The following SND1 variants were observed in gnomAD, a reference collection of about 807,000 sequenced individuals.
SND1 encodes staphylococcal nuclease domain-containing protein 1.
A neutral mutation model predicts 121.7 loss-of-function variants in SND1; 38 were observed. That is an observed-to-expected ratio of 0.31 (90% CI 0.24 to 0.41). The LOEUF is 0.41. SND1 is among the 10% of genes least tolerant of loss of function. The pLI is 1.00. For missense variants in SND1, 868 were observed against 1,184.6 expected (o/e 0.73, Z 3.92); for synonymous variants, 401 against 447.4 (o/e 0.90, Z 1.31).
chr7:128,056,147 G>C (rs1236282592), intron 16 of SND1, among the ~76,000 whole-genome samples: 3 of 152,250 alleles, frequency 2.0e-5, no homozygotes, highest in Non-Finnish European at 4.4e-5. Context: ...GCACACAGCA[G>C]ATACTCAATA....
At chr7:127,891,276 C>CCAGG (rs752056328) in intron 13 of SND1, among the ~76,000 whole-genome samples, 4 of 152,054 alleles carry the variant, frequency 2.6e-5, no homozygotes, top group Non-Finnish European at 5.9e-5. Flanking sequence ...TGCTCTGTGT[C>CCAGG]CAGGCGGGAA....
chr7:127,914,964 G>A (rs1003277550), intron 14 of SND1, among the ~76,000 whole-genome samples: 1 of 152,136 alleles, frequency 6.6e-6, no homozygotes, highest in African/African-American at 2.4e-5. Context: ...AAATGTAGCT[G>A]TTTTAAACAG....
At chr7:127,980,753 G>C (rs974351875) in intron 15 of SND1, among the ~76,000 whole-genome samples, 2 of 152,202 alleles carry the variant, frequency 1.3e-5, no homozygotes, top group African/African-American at 4.8e-5. Flanking sequence ...ATGCAAGTAA[G>C]TAGCTTTTAC....
chr7:127,763,017 G>A (rs1454937137), intron 10 of SND1, among the ~76,000 whole-genome samples: 2 of 152,126 alleles, frequency 1.3e-5, no homozygotes, highest in East Asian at 3.8e-4. Context: ...GCCTAAAGAT[G>A]TTTACTGTAA....
At chr7:127,709,162 C>T (rs145070264) in intron 9 of SND1, among the ~76,000 whole-genome samples, 113 of 152,300 alleles carry the variant, frequency 7.4e-4, no homozygotes, top group Non-Finnish European at 1.3e-4. Flanking sequence ...TTGTTGCAGA[C>T]CACAATGTCC....
chr7:127,769,635 A>T (rs1185327438), intron 10 of SND1, among the ~76,000 whole-genome samples: 1 of 151,950 alleles, frequency 6.6e-6, no homozygotes, highest in East Asian at 1.9e-4. Context: ...GCTTCTTCGA[A>T]ATTTCTTTTC....
At chr7:127,811,347 A>G (rs934890168) in intron 11 of SND1, among the ~76,000 whole-genome samples, 1 of 152,266 alleles carries the variant, frequency 6.6e-6, no homozygotes, top group Non-Finnish European at 1.5e-5. Context: ...TAGGGTGTGG[A>G]GATGGAAATG....
At chr7:127,778,753 C>A (rs1797667013) in intron 10 of SND1, among the ~76,000 whole-genome samples, 1 of 152,112 alleles carries the variant, frequency 6.6e-6, no homozygotes, top group South Asian at 2.1e-4. Flanking sequence ...TTGAATGGTA[C>A]ATAGTTATTT....
At chr7:128,026,806 G>A (rs1287921191) in intron 16 of SND1, among the ~76,000 whole-genome samples, 1 of 152,168 alleles carries the variant, frequency 6.6e-6, no homozygotes, top group Non-Finnish European at 1.5e-5. Flanking sequence ...CAGGGCATAG[G>A]GAATTTGATT....
chr7:127,704,444 T>C (rs1796155313), intron 7 of SND1, among the ~76,000 whole-genome samples: 2 of 152,192 alleles, frequency 1.3e-5, no homozygotes, highest in South Asian at 4.1e-4. Flanking sequence ...TCTTCAGCTC[T>C]TATGAAAGGG....
At chr7:127,854,466 C>T (rs1420123436) in intron 12 of SND1, among the ~76,000 whole-genome samples, 1 of 151,958 alleles carries the variant, frequency 6.6e-6, no homozygotes, top group Non-Finnish European at 1.5e-5. Flanking sequence ...TCTCTTATTT[C>T]ATGGGGACCT....
intron 9 of SND1, 110 bp from the exon 10 acceptor site, chr7:127,721,173 TCCCA>T: frequency 1.6e-6 from 1 of 616,616 alleles, no homozygotes. Context: ...ATACTGTTTT[TCCCA>T]CAAATGGCTA....
At chr7:127,756,247 C>A (rs187728817) in intron 10 of SND1, among the ~76,000 whole-genome samples, 1 of 151,964 alleles carries the variant, frequency 6.6e-6, no homozygotes, top group Admixed American at 6.6e-5. Flanking sequence ...CAGTTTGCGG[C>A]CTTTGATCTG....
chr7:127,971,894 T>C (rs1801998270), intron 15 of SND1, among the ~76,000 whole-genome samples: 1 of 151,226 alleles, frequency 6.6e-6, no homozygotes, highest in Admixed American at 6.6e-5. Flanking sequence ...TGCCTCAGCC[T>C]CCCAAGTAAC....
At chr7:127,751,138 A>G (rs973716922) in intron 10 of SND1, among the ~76,000 whole-genome samples, 2 of 151,754 alleles carry the variant, frequency 1.3e-5, no homozygotes, top group African/African-American at 4.9e-5. Context: ...TTTTGTTTCC[A>G]TGGTAGGGTG....
intron 22 of SND1, 102 bp downstream of exon 22, chr7:128,089,794 C>A: frequency 1.9e-6 from 2 of 1,038,002 alleles, no homozygotes; most frequent in Non-Finnish European, 2.9e-6. Flanking sequence ...CACCATCCTG[C>A]TGTTCCTGCT....
At chr7:127,755,429 T>C (rs956754893) in intron 10 of SND1, among the ~76,000 whole-genome samples, 4 of 152,254 alleles carry the variant, frequency 2.6e-5, no homozygotes, top group Non-Finnish European at 4.4e-5. Flanking sequence ...AGGAGCCAAG[T>C]GCTGATGCTA....
At chr7:127,815,791 A>G (rs1039484379) in intron 11 of SND1, among the ~76,000 whole-genome samples, 1 of 152,142 alleles carries the variant, frequency 6.6e-6, no homozygotes, top group Non-Finnish European at 1.5e-5. Flanking sequence ...GCCCTAGGAA[A>G]GCAATTTAGC....
rs1293526036 is a variant in SND1 at position 127,822,256 on chromosome 7, G to A, written c.1242+14683G>A. Among the ~76,000 whole-genome samples, 3 of 152,066 alleles carry A rather than the reference G, an allele frequency of 2.0e-5. No homozygotes were observed. The East Asian group carries it at 5.8e-4, about 29-fold the overall frequency. ...ATTCTCCCTTTTTACACATATACTA[G>A]CATCATAAATAAGTTTAAATTTCAT... On this transcript the variant is annotated intron_variant, in intron 11 of 23. Coordinates refer to ENST00000354725, the MANE Select transcript of SND1 (RefSeq NM_014390.4).
Sources: allele counts gnomAD v4.1 joint callset (sites outside exome capture counted in the v4.1 genomes callset), GRCh38; gene constraint gnomAD v4.1.1; transcripts MANE v1.5; gene names NCBI Gene and HGNC (gene_info 2026-07-23, HGNC 2026-07-21).